The following PRR16 variants were observed in gnomAD, a reference collection of about 807,000 sequenced individuals.
PRR16 encodes proline rich 16.
In PRR16, 6 loss-of-function variants were observed where a neutral mutation model predicts 18.2. The observed-to-expected ratio is 0.33, with a 90% CI of 0.18 to 0.65. PRR16 has a LOEUF of 0.65. PRR16 is among the 30% of genes least tolerant of loss of function. PRR16 has a pLI of 0.74. For missense variants in PRR16, 412 were observed against 376.6 expected (o/e 1.09, Z -0.78); for synonymous variants, 151 against 147.8 (o/e 1.02, Z -0.16).
At chr5:120,486,163 C>T (rs1462444135) in intron 1 of PRR16, among the ~76,000 whole-genome samples, 1 of 152,084 alleles carries the variant, frequency 6.6e-6, no homozygotes, top group Non-Finnish European at 1.5e-5. Context: ...GGGTATATAC[C>T]CAGTAAAGGG....
chr5:120,651,356 G>T lies in PRR16; in HGVS notation c.160-34598G>T, dbSNP rs933141065. On this transcript the variant is annotated intron_variant, in intron 1 of 1. Transcript: ENST00000407149. ...AATTTGATCCCATTTGTCCATTTTGGCTTTTGTTGCCATTGTTTTTGGTGT... is the reference window on the plus strand; with the variant it reads ...AATTTGATCCCATTTGTCCATTTTGTCTTTTGTTGCCATTGTTTTTGGTGT... 3.9e-5 allele frequency among the ~76,000 whole-genome samples: 6 copies of T among 152,188 alleles called. No individual in the cohort carries two copies. The South Asian group carries it at 6.2e-4, about 16-fold the overall frequency.
the PRR16 span, among the ~76,000 whole-genome samples, chr5:120,746,767 A>G: frequency 1.3e-5 from 2 of 152,130 alleles, no homozygotes; most frequent in Non-Finnish European, 2.9e-5. Context: ...TGTAACGGAA[A>G]ACCAATCAGG....
chr5:120,671,689 G>A (rs919925512), intron 1 of PRR16, among the ~76,000 whole-genome samples: 1 of 152,040 alleles, frequency 6.6e-6, no homozygotes, highest in Non-Finnish European at 1.5e-5. Context: ...TCATTTTAAT[G>A]TAAATGTAAA....
At chr5:120,775,796 A>ATTTTTTTTTT in the PRR16 span, among the ~76,000 whole-genome samples, 224 of 80,580 alleles carry the variant, frequency 2.8e-3, no homozygotes, top group Non-Finnish European at 3.6e-3. Context: ...ACGCCTGGCT[A>ATTTTTTTTTT]TTTTTTTTTT....
the PRR16 span, among the ~76,000 whole-genome samples, chr5:120,786,343 C>T: frequency 6.4e-4 from 97 of 151,712 alleles, no homozygotes; most frequent in African/African-American, 2.1e-3. Flanking sequence ...ACAACATTGC[C>T]TATAATAAGA....
chr5:120,514,435 T>C (rs971101429), intron 1 of PRR16, among the ~76,000 whole-genome samples: 3 of 152,356 alleles, frequency 2.0e-5, no homozygotes, highest in Middle Eastern at 6.8e-3. Context: ...GAGAGTTCTC[T>C]AGATCTTTCC....
At chr5:120,492,998 G>A in intron 1 of PRR16, among the ~76,000 whole-genome samples, 1 of 152,170 alleles carries the variant, frequency 6.6e-6, no homozygotes. Context: ...CCTCGGAATT[G>A]TTAATTGTGC....
intron 1 of PRR16, among the ~76,000 whole-genome samples, chr5:120,563,415 C>G (rs1312423234): frequency 6.6e-6 from 1 of 152,168 alleles, no homozygotes; most frequent in African/African-American, 2.4e-5. Context: ...GCCTGATGTT[C>G]TGGTTTTACT....
chr5:120,618,926 G>C (rs1219716369), intron 1 of PRR16, among the ~76,000 whole-genome samples: 1 of 151,980 alleles, frequency 6.6e-6, no homozygotes. Flanking sequence ...TCAAGACATA[G>C]TGTCCATGTA....
chr5:120,529,297 G>C (rs2112663354), intron 1 of PRR16, among the ~76,000 whole-genome samples: 1 of 152,284 alleles, frequency 6.6e-6, no homozygotes, highest in African/African-American at 2.4e-5. Flanking sequence ...CTAGCGAAGA[G>C]ATACATAAAA....
At chr5:120,724,143 A>G in the PRR16 span, among the ~76,000 whole-genome samples, 1 of 152,026 alleles carries the variant, frequency 6.6e-6, no homozygotes, top group Non-Finnish European at 1.5e-5. Flanking sequence ...TTAACTTCAG[A>G]CACTCTTTCT....
chr5:120,664,133 T>C (rs916848617), intron 1 of PRR16, among the ~76,000 whole-genome samples: 1 of 152,018 alleles, frequency 6.6e-6, no homozygotes, highest in African/African-American at 2.4e-5. Flanking sequence ...ACCCTGTCTT[T>C]ACTAAAAATA....
intron 1 of PRR16, among the ~76,000 whole-genome samples, chr5:120,509,573 TGTA>T (rs1227365894): frequency 6.6e-6 from 1 of 152,146 alleles, no homozygotes; most frequent in African/African-American, 2.4e-5. Context: ...CATAGTTAAA[TGTA>T]GTAGTATCTA....
At chr5:120,786,363 A>G in the PRR16 span, among the ~76,000 whole-genome samples, 2 of 151,814 alleles carry the variant, frequency 1.3e-5, no homozygotes, top group Non-Finnish European at 2.9e-5. Flanking sequence ...AATAAAGCAG[A>G]ATGGATAAAC....
chr5:120,768,634 A>G, the PRR16 span, among the ~76,000 whole-genome samples: 1 of 151,800 alleles, frequency 6.6e-6, no homozygotes, highest in Admixed American at 6.6e-5. Context: ...AATTACAAAG[A>G]GAAAAACAAA....
At chr5:120,656,350 C>G (rs1218491394) in intron 1 of PRR16, among the ~76,000 whole-genome samples, 1 of 151,254 alleles carries the variant, frequency 6.6e-6, no homozygotes, top group Non-Finnish European at 1.5e-5. Flanking sequence ...CTCTTCTTAA[C>G]GGATGTAAGA....
chr5:120,497,172 A>G (rs1413430657), intron 1 of PRR16, among the ~76,000 whole-genome samples: 1 of 152,100 alleles, frequency 6.6e-6, no homozygotes, highest in African/African-American at 2.4e-5. Context: ...AAGAATGTGC[A>G]TTCTGCTCTT....
At chr5:120,641,820 C>T (rs1392838528) in intron 1 of PRR16, among the ~76,000 whole-genome samples, 1 of 152,112 alleles carries the variant, frequency 6.6e-6, no homozygotes, top group Non-Finnish European at 1.5e-5. Context: ...TCAGTCCTGA[C>T]CTCAAGGTTG....
chr5:120,671,808 G>T (rs1009210097), intron 1 of PRR16, among the ~76,000 whole-genome samples: 1 of 152,004 alleles, frequency 6.6e-6, no homozygotes, highest in African/African-American at 2.4e-5. Context: ...AAATATGTGT[G>T]TGTACATATA....
Sources: allele counts gnomAD v4.1 joint callset (sites outside exome capture counted in the v4.1 genomes callset), GRCh38; gene constraint gnomAD v4.1.1; transcripts MANE v1.5; gene names NCBI Gene and HGNC (gene_info 2026-07-23, HGNC 2026-07-21).